The following YTHDF3 variants were observed in gnomAD, a reference collection of about 807,000 sequenced individuals.
YTHDF3 encodes YTH domain-containing family protein 3.
Under a neutral mutation model 52.5 loss-of-function variants are expected in YTHDF3, and 9 were observed. That is an observed-to-expected ratio of 0.17 (90% CI 0.10 to 0.30). The LOEUF is 0.30. Among genes scored for constraint, YTHDF3 ranks in the 10% least tolerant of loss-of-function variants. YTHDF3 has a pLI of 1.00. For synonymous variants in YTHDF3, 274 were observed against 243.3 expected, an observed-to-expected ratio of 1.13 and a Z score of -1.18; for missense variants, 534 against 715.0, an observed-to-expected ratio of 0.75 and a Z score of 2.89.
intron 2 of YTHDF3, among the ~76,000 whole-genome samples, chr8:63,171,327 G>C (rs752800501): frequency 7.2e-5 from 11 of 152,034 alleles, no homozygotes; most frequent in Non-Finnish European, 1.3e-4. Context: ...TATGTTGTTA[G>C]GATTCTTGTA....
At chr8:63,207,242 T>C (rs1810092662) in intron 4 of YTHDF3, among the ~76,000 whole-genome samples, 1 of 152,178 alleles carries the variant, frequency 6.6e-6, no homozygotes, top group Non-Finnish European at 1.5e-5. Context: ...GATATTAGTA[T>C]AGTTGTATGA....
intron 2 of YTHDF3, chr8:63,172,788 C>T (rs897665028): frequency 4.5e-5 from 55 of 1,231,276 alleles, no homozygotes; most frequent in East Asian, 9.5e-5. Flanking sequence ...AGGAAACAGG[C>T]GAAGAATCAT....
At position 63,182,234 on chromosome 8, in the gene YTHDF3, ATTTTTTTTT is replaced by A. The variant is rs11348989; in HGVS notation, c.136-3896_136-3888del. Among the ~76,000 whole-genome samples, 17 of 111,696 alleles carry A rather than the reference ATTTTTTTTT, an allele frequency of 1.5e-4. No homozygotes were observed. The East Asian group carries it at 2.9e-3, about 19-fold the overall frequency. The allele number at this position is 111,696 out of a possible 152,430, so 73.3% of individuals were successfully genotyped here. On this transcript the variant is annotated intron_variant, in intron 3 of 4. Transcript: ENST00000539294. Reference sequence around the variant, plus strand: ...AGGCGTGCACCACCATGCCTGGCTAATTTTTTTTTTTTTTTTTTTTTTTTTAATGAGATA... The same window carrying A: ...AGGCGTGCACCACCATGCCTGGCTAATTTTTTTTTTTTTTTTAATGAGATA...
chr8:63,205,436 C>CTTT (rs908105956), intron 4 of YTHDF3, among the ~76,000 whole-genome samples: 59 of 139,696 alleles, frequency 4.2e-4, no homozygotes, highest in African/African-American at 1.4e-3. Context: ...CTTTTTCTTT[C>CTTT]TTTTTTTTTT....
chr8:63,186,169 C>T lies in YTHDF3; in HGVS notation c.158C>T (p.Ser53Leu). The T allele has an allele frequency of 6.2e-7, 1 of 1,612,262 alleles. No homozygotes were observed. Among genetic ancestry groups the T allele is most frequent in the Non-Finnish European group, 8.5e-7 (1 of 1,178,584 alleles). The change falls in exon 4 of 5, where the codon TCA (serine) becomes TTA (leucine). Residue 53 changes from serine to leucine, a missense_variant. Physicochemically the swap from Ser to Leu is moderately radical, Grantham distance 145. This residue lies in a region of YTHDF3 where 196 missense variants were observed against 299.5 expected (regional missense o/e 0.65). Transcript: ENST00000539294. ...TNQSNSYPPMSDPYMPSYYAP... is the reference protein window; with the variant it reads ...TNQSNSYPPMLDPYMPSYYAP... The stretch of plus-strand genomic sequence containing the variant: ...CAGAGTAACAGCTATCCACCAATGT[C>T]AGATCCATACATGCCTAGTTACTAT...
chr8:63,188,080 A>T lies in YTHDF3; in HGVS notation c.1734+335A>T, dbSNP rs117014711. ...AACTAACCAGGGGCTCTAATCATTA[A>T]TATTATTAATCATACTAACATAGGA... is the stretch of plus-strand genomic sequence containing the variant. On this transcript the variant is annotated intron_variant, in intron 4 of 4. Transcript: ENST00000539294. 1.6e-3 allele frequency among the ~76,000 whole-genome samples: 246 copies of T among 152,296 alleles called. 1 individual carries two copies. The highest frequency in any genetic ancestry group is 3.5e-3 in the Admixed American group (53 of 15,302).
At chr8:63,175,454 C>G (rs995841144) in intron 3 of YTHDF3, 38 bp downstream of exon 3, 1 of 1,478,160 alleles carries the variant, frequency 6.8e-7, no homozygotes. Flanking sequence ...AGGAAATTAA[C>G]CTTTTATTAG....
intron 3 of YTHDF3, among the ~76,000 whole-genome samples, chr8:63,179,668 C>T (rs1227685270): frequency 3.9e-5 from 6 of 152,350 alleles, no homozygotes; most frequent in Middle Eastern, 3.4e-3. Context: ...TTTCCCCACC[C>T]CTCCCCCCTT....
chr8:63,177,391 T>C (rs972305451), intron 3 of YTHDF3, among the ~76,000 whole-genome samples: 52 of 152,142 alleles, frequency 3.4e-4, no homozygotes, highest in Non-Finnish European at 1.2e-4. Flanking sequence ...AGAAAAAAAC[T>C]TTACGATCTC....
chr8:63,186,635 A>T lies in YTHDF3; in HGVS notation c.624A>T (p.Val208=). 6.2e-7 allele frequency: 1 copy of T among 1,614,014 alleles called. No homozygotes were observed. Among genetic ancestry groups the T allele is most frequent in the Non-Finnish European group, 8.5e-7 (1 of 1,179,896 alleles). The change falls in exon 4 of 5, where the codon GTA becomes GTT. Residue 208 remains valine, a synonymous_variant. Coordinates refer to ENST00000539294, the MANE Select transcript of YTHDF3 (RefSeq NM_152758.6). ...GDLTAAVTKT[V]GTALSSSGMT... ...TGACAGCTGCAGTGACAAAAACTGT[A>T]GGTACAGCTTTGAGCAGCAGTGGTA...
intron 3 of YTHDF3, among the ~76,000 whole-genome samples, chr8:63,181,714 A>G (rs1808150576): frequency 6.6e-6 from 1 of 152,166 alleles, no homozygotes; most frequent in Non-Finnish European, 1.5e-5. Context: ...CTTCCTCACG[A>G]TACCTGTGAA....
At position 63,169,003 on chromosome 8, in the gene YTHDF3, A is replaced by G. The variant is rs1168017052; in HGVS notation, c.24+102A>G. 7 of 1,492,400 alleles carry G rather than the reference A, an allele frequency of 4.7e-6. No homozygotes were observed. In the East Asian group the frequency reaches 1.6e-4, roughly 34 times the overall value. The allele number at this position is 1,492,400 out of a possible 1,614,324, so 92.4% of individuals were successfully genotyped here. ...CCCCGTCGCCGCCGCTGCCGGCCCC[A>G]TAACGGTGCCCCGGGCGCAAGTTGC... On this transcript the variant is annotated intron_variant, in intron 1 of 4. Coordinates refer to ENST00000539294, the MANE Select transcript of YTHDF3 (RefSeq NM_152758.6).
intron 4 of YTHDF3, among the ~76,000 whole-genome samples, chr8:63,202,569 C>T (rs1809708955): frequency 1.3e-5 from 2 of 151,398 alleles, no homozygotes; most frequent in South Asian, 2.1e-4. Flanking sequence ...TTAAGCGATT[C>T]TCCTGTCCCA....
chr8:63,178,849 A>G (rs1807877128), intron 3 of YTHDF3, among the ~76,000 whole-genome samples: 1 of 152,228 alleles, frequency 6.6e-6, no homozygotes, highest in Non-Finnish European at 1.5e-5. Context: ...TAGTGCTATT[A>G]TAACAGATTA....
intron 4 of YTHDF3, among the ~76,000 whole-genome samples, chr8:63,199,374 A>G (rs115267249): frequency 2.6e-5 from 4 of 152,146 alleles, no homozygotes; most frequent in Non-Finnish European, 5.9e-5. Context: ...CCATATAGGC[A>G]TGTTTTACAT....
chr8:63,186,089 C>G lies in YTHDF3; in HGVS notation c.136-58C>G, dbSNP rs1292372808. ...TTCTTGATTTTAATCTTTCAGATTT[C>G]TTTTTTTGCTCTTTTAAGAGGACAT... On this transcript the variant is annotated intron_variant, in intron 3 of 4. Transcript: ENST00000539294. 2.0e-6 allele frequency: 3 copies of G among 1,468,184 alleles called. No individual in the cohort carries two copies. In the East Asian group the frequency reaches 6.9e-5, roughly 34 times the overall value. The allele number at this position is 1,468,184 out of a possible 1,614,324, so 90.9% of individuals were successfully genotyped here. A position where few individuals can be genotyped will look rare whatever the true frequency, so the allele number is the denominator to read the frequency against.
intron 3 of YTHDF3, among the ~76,000 whole-genome samples, chr8:63,176,191 A>T (rs1029956522): frequency 6.6e-6 from 1 of 152,242 alleles, no homozygotes; most frequent in African/African-American, 2.4e-5. Context: ...TTTTTTAGAG[A>T]GAACATTGTG....
At chr8:63,209,558 T>C (rs1229494497) in intron 4 of YTHDF3, 125 bp from the exon 5 acceptor site, 1 of 925,420 alleles carries the variant, frequency 1.1e-6, no homozygotes, top group Non-Finnish European at 1.6e-6. Flanking sequence ...TTTTAATTAC[T>C]TGAATTAGTA....
chr8:63,200,075 A>T (rs1424731137), intron 4 of YTHDF3, among the ~76,000 whole-genome samples: 1 of 152,224 alleles, frequency 6.6e-6, no homozygotes, highest in Non-Finnish European at 1.5e-5. Flanking sequence ...GCTACAGTCA[A>T]GGCAGGGCTT....
Sources: allele counts gnomAD v4.1 joint callset (sites outside exome capture counted in the v4.1 genomes callset), GRCh38; gene constraint gnomAD v4.1.1; regional missense constraint gnomAD v4.1.1; transcripts MANE v1.5; gene names NCBI Gene and HGNC (gene_info 2026-07-23, HGNC 2026-07-21).